COPS2: variants seen among roughly 807,000 people sequenced by gnomAD.
COPS2 encodes COP9 signalosome subunit 2.
In COPS2, 10 loss-of-function variants were observed where a neutral mutation model predicts 66.1. That is an observed-to-expected ratio of 0.15 (90% CI 0.09 to 0.26). COPS2 has a LOEUF of 0.26. COPS2 is among the 10% of genes least tolerant of loss of function. The probability of loss-of-function intolerance (pLI) is 1.00; values close to 1 mark genes in which losing one functional copy is unlikely to be tolerated. For missense variants in COPS2, 215 were observed against 513.3 expected, an observed-to-expected ratio of 0.42 and a Z score of 5.62; for synonymous variants, 179 against 171.3, an observed-to-expected ratio of 1.04 and a Z score of -0.35.
At chr15:49,144,183 C>T (rs2084306997) in intron 3 of COPS2, 44 bp downstream of exon 3, 1 of 1,256,852 alleles carries the variant, frequency 8.0e-7, no homozygotes, top group Non-Finnish European at 1.2e-6. Flanking sequence ...GAGGTTTTTA[C>T]CTACAAAATT....
At chr15:49,137,535 A>T in intron 4 of COPS2, 98 bp from the exon 5 acceptor site, 1 of 846,196 alleles carries the variant, frequency 1.2e-6, no homozygotes, top group Non-Finnish European at 2.0e-6. Flanking sequence ...TTTGAACTTT[A>T]ATACACATAA....
chr15:49,143,875 A>G (rs1277285441), intron 3 of COPS2, among the ~76,000 whole-genome samples: 1 of 152,122 alleles, frequency 6.6e-6, no homozygotes, highest in African/African-American at 2.4e-5. Flanking sequence ...AGTTCCAGCT[A>G]CTCAGGAGGC....
chr15:49,155,327 G>A (rs1228451899), intron 1 of COPS2, among the ~76,000 whole-genome samples, 198 bp downstream of exon 1: 1 of 152,200 alleles, frequency 6.6e-6, no homozygotes, highest in African/African-American at 2.4e-5. Context: ...TGCCTCCTTT[G>A]CCCTCCCTTC....
intron 9 of COPS2, among the ~76,000 whole-genome samples, chr15:49,132,026 T>C (rs2084213237): frequency 6.6e-6 from 1 of 152,180 alleles, no homozygotes; most frequent in South Asian, 2.1e-4. Context: ...AATCAGTCCT[T>C]TAACCAATTT....
chr15:49,136,972 C>CA (rs1240334891), intron 6 of COPS2, among the ~76,000 whole-genome samples, 178 bp downstream of exon 6: 1 of 150,984 alleles, frequency 6.6e-6, no homozygotes, highest in South Asian at 2.1e-4. Context: ...GCCTGGGTGA[C>CA]AGAGCCATAC....
At chr15:49,148,832 A>G (rs950114754) in intron 1 of COPS2, among the ~76,000 whole-genome samples, 1 of 152,248 alleles carries the variant, frequency 6.6e-6, no homozygotes, top group African/African-American at 2.4e-5. Flanking sequence ...AAGTGCCCAT[A>G]TGGGCACAAG....
At chr15:49,148,901 A>T (rs1250386398) in intron 1 of COPS2, among the ~76,000 whole-genome samples, 2 of 152,244 alleles carry the variant, frequency 1.3e-5, no homozygotes. Flanking sequence ...ACATGATGCC[A>T]TTACTCAGAA....
intron 3 of COPS2, among the ~76,000 whole-genome samples, chr15:49,143,976 G>GA (rs369962039): frequency 0.31 from 44,711 of 145,184 alleles, 7,055 homozygotes; most frequent in African/African-American, 0.36. Context: ...ACAGAGCGGG[G>GA]GAAAAAAAAA....
In COPS2 at chr15:49,123,296, C is replaced by A. The variant is rs1396091993; in HGVS notation, c.*4654G>T. Reference sequence around the variant, plus strand: ...ATAAAATGGATGTACAATAAAACAACCTTTAGCAATTAATTTTAAAATGCC... The same window carrying A: ...ATAAAATGGATGTACAATAAAACAAACTTTAGCAATTAATTTTAAAATGCC... On this transcript the variant is annotated 3_prime_UTR_variant, in exon 13 of 13. Coordinates refer to ENST00000388901, the MANE Select transcript of COPS2 (RefSeq NM_004236.4). 2 of 152,112 alleles carry A rather than the reference C, an allele frequency of 1.3e-5. No individual in the cohort carries two copies. Among genetic ancestry groups the A allele is most frequent in the African/African-American group, 2.4e-5 (1 of 41,418 alleles). The allele number at this position is 152,112 out of a possible 1,614,324, so 9.4% of individuals were successfully genotyped here.
intron 1 of COPS2, among the ~76,000 whole-genome samples, chr15:49,154,039 A>G (rs1034050028): frequency 6.6e-6 from 1 of 152,222 alleles, no homozygotes; most frequent in Non-Finnish European, 1.5e-5. Context: ...ATGACTTTAA[A>G]TATTCCCTAG....
chr15:49,152,822 CA>C (rs56006245), intron 1 of COPS2, among the ~76,000 whole-genome samples: 2 of 147,004 alleles, frequency 1.4e-5, no homozygotes, highest in African/African-American at 2.5e-5. Flanking sequence ...GACTCTGTTT[CA>C]AAAAAAAAAG....
Position 49,129,516 on chromosome 15 carries a change from A to T in COPS2, c.1089T>A (p.Ile363=). The T allele has an allele frequency of 2.0e-6, 3 of 1,508,964 alleles. No individual in the cohort carries two copies. Among genetic ancestry groups the T allele is most frequent in the Non-Finnish European group, 2.7e-6 (3 of 1,122,624 alleles). 93.5% of individuals were successfully genotyped at this position (1,508,964 alleles called of 1,614,324 possible). A position where few individuals can be genotyped will look rare whatever the true frequency, so the allele number is the denominator to read the frequency against. ...NIRTQVLIKL[I]KPYTRIHIPF... Reference sequence around the variant, plus strand: ...GAATATGTATTCTTGTGTAAGGCTTAATTAATTTTATAAGCACTTGTGTTC... The same window carrying T: ...GAATATGTATTCTTGTGTAAGGCTTTATTAATTTTATAAGCACTTGTGTTC... Residue 363 remains isoleucine, a synonymous_variant, in exon 11 of 13, where the codon ATT becomes ATA. Coordinates refer to ENST00000388901, the MANE Select transcript of COPS2 (RefSeq NM_004236.4).
chr15:49,129,306 TA>T (rs200431169), intron 11 of COPS2, among the ~76,000 whole-genome samples, 170 bp downstream of exon 11: 9,066 of 142,956 alleles, frequency 0.063, 451 homozygotes, highest in African/African-American at 0.14. Context: ...CCCTGTCTCT[TA>T]AAAAAAAAAA....
intron 5 of COPS2, 59 bp downstream of exon 5, chr15:49,137,289 C>T: frequency 6.5e-7 from 1 of 1,539,024 alleles, no homozygotes; most frequent in Non-Finnish European, 8.9e-7. Context: ...CTTTAGGAGA[C>T]TTTATTAAAA....
intron 6 of COPS2, among the ~76,000 whole-genome samples, chr15:49,134,760 C>T (rs1321133902): frequency 2.6e-5 from 4 of 152,136 alleles, no homozygotes; most frequent in Admixed American, 2.6e-4. Context: ...AGTAGTCCTT[C>T]CTTATCCACA....
chr15:49,131,532 C>T (rs2084209064), intron 9 of COPS2, among the ~76,000 whole-genome samples: 1 of 151,876 alleles, frequency 6.6e-6, no homozygotes, highest in South Asian at 2.1e-4. Context: ...ATACGTAAGA[C>T]ATTATCATCA....
At chr15:49,129,604 ATG>A in intron 10 of COPS2, 45 bp from the exon 11 acceptor site, 1 of 1,002,030 alleles carries the variant, frequency 1.0e-6, no homozygotes, top group South Asian at 1.8e-5. Flanking sequence ...AACAGTTTGT[ATG>A]ATATCTTTAT....
intron 11 of COPS2, among the ~76,000 whole-genome samples, chr15:49,128,985 G>A (rs919526930): frequency 6.6e-6 from 1 of 152,038 alleles, no homozygotes; most frequent in Non-Finnish European, 1.5e-5. Flanking sequence ...TTTTATTGTG[G>A]TTGAAGTTAA....
At chr15:49,150,877 T>C (rs568264442) in intron 1 of COPS2, among the ~76,000 whole-genome samples, 1 of 152,190 alleles carries the variant, frequency 6.6e-6, no homozygotes, top group East Asian at 1.9e-4. Flanking sequence ...TCTATATAAC[T>C]AACCTGCACA....
Sources: gnomAD v4.1 joint callset for allele counts (sites outside exome capture counted in the v4.1 genomes callset) on GRCh38, gnomAD v4.1.1 for gene constraint, MANE v1.5 for transcripts, NCBI Gene and HGNC (gene_info 2026-07-23, HGNC 2026-07-21) for gene names.